CYFIP1: variants seen among roughly 807,000 people sequenced by gnomAD.
CYFIP1 encodes the protein cytoplasmic FMR1-interacting protein 1.
Under a neutral mutation model 163.5 loss-of-function variants are expected in CYFIP1, and 58 were observed. The observed-to-expected ratio is 0.35, with a 90% CI of 0.29 to 0.44. The LOEUF (loss-of-function observed/expected upper bound fraction) is 0.44, where lower values mean the gene tolerates loss of function less well. Among genes scored for constraint, CYFIP1 ranks in the 20% least tolerant of loss-of-function variants. The pLI, the probability that CYFIP1 is intolerant of heterozygous loss-of-function variation, is 1.00. For missense variants in CYFIP1, 1,338 were observed against 1,653.8 expected, an observed-to-expected ratio of 0.81 and a Z score of 3.31; for synonymous variants, 663 against 660.7, an observed-to-expected ratio of 1.00 and a Z score of -0.05.
intron 1 of CYFIP1, among the ~76,000 whole-genome samples, chr15:22,972,072 G>A (rs990220279): frequency 2.0e-5 from 3 of 152,150 alleles, no homozygotes; most frequent in Non-Finnish European, 4.4e-5. Context: ...AACCACAAAA[G>A]ACTTGGAATA....
At chr15:22,960,974 C>G (rs951354731) in intron 1 of CYFIP1, among the ~76,000 whole-genome samples, 2 of 152,030 alleles carry the variant, frequency 1.3e-5, no homozygotes, top group African/African-American at 4.8e-5. Flanking sequence ...ATAATTTAAT[C>G]TGAATGTTCT....
chr15:22,948,829 G>A (rs948140457), intron 1 of CYFIP1, among the ~76,000 whole-genome samples: 1 of 144,164 alleles, frequency 6.9e-6, no homozygotes, highest in Non-Finnish European at 1.5e-5. Context: ...AAAAACCTCA[G>A]GAAAGATTCA....
Position 22,917,017 on chromosome 15 carries a change from G to C in CYFIP1, c.1675-387C>G, listed in dbSNP as rs577046716. 5 of 1,547,000 alleles carry C rather than the reference G, an allele frequency of 3.2e-6. No individual in the cohort carries two copies. The African/African-American group carries it at 5.5e-5, about 17-fold the overall frequency. The stretch of plus-strand genomic sequence containing the variant: ...GAGCCCAAGGACTCGGCCATGGTGC[G>C]CACCAGGTAGAGCTAGACACGGACA... On this transcript the variant is annotated intron_variant, in intron 15 of 30. Coordinates refer to ENST00000617928, the MANE Select transcript of CYFIP1 (RefSeq NM_014608.6). This position sits in a 1 kb window ranked among gnomAD's most constrained non-coding sequence, Gnocchi z 4.2.
chr15:22,918,379 C>T (rs756424024), intron 14 of CYFIP1, among the ~76,000 whole-genome samples: 1 of 152,128 alleles, frequency 6.6e-6, no homozygotes, highest in Non-Finnish European at 1.5e-5. Context: ...TCATCACCAA[C>T]AGGGCTCCAC....
intron 10 of CYFIP1, among the ~76,000 whole-genome samples, chr15:22,933,187 C>T (rs1424545520): frequency 6.6e-6 from 1 of 152,040 alleles, no homozygotes; most frequent in African/African-American, 2.4e-5. Context: ...TCACCCAGCA[C>T]TGTCCAATAG....
At chr15:22,956,371 G>A (rs1473236212) in intron 1 of CYFIP1, among the ~76,000 whole-genome samples, 1 of 151,950 alleles carries the variant, frequency 6.6e-6, no homozygotes, top group Non-Finnish European at 1.5e-5. Flanking sequence ...AATGAAAAAA[G>A]ACACTACTAG....
intron 25 of CYFIP1, among the ~76,000 whole-genome samples, chr15:22,880,475 C>T (rs1160585501): frequency 6.6e-6 from 1 of 152,202 alleles, no homozygotes; most frequent in African/African-American, 2.4e-5. Context: ...ACAGCACGCC[C>T]AACGGGAGGC....
chr15:22,911,342 G>C (rs1026310026), intron 18 of CYFIP1, among the ~76,000 whole-genome samples: 1 of 152,138 alleles, frequency 6.6e-6, no homozygotes, highest in Non-Finnish European at 1.5e-5. Context: ...TGAAATGCAA[G>C]AGAGAATCAA....
chr15:22,977,122 C>T (rs1196276448), intron 1 of CYFIP1, among the ~76,000 whole-genome samples: 1 of 152,114 alleles, frequency 6.6e-6, no homozygotes, highest in Non-Finnish European at 1.5e-5. Flanking sequence ...TCGCTTGAAC[C>T]CGGGAGGCAG....
chr15:22,973,311 CAAAAAAAAA>C (rs397761069), intron 1 of CYFIP1, among the ~76,000 whole-genome samples: 2 of 71,782 alleles, frequency 2.8e-5, no homozygotes, highest in African/African-American at 9.6e-5. Context: ...GAGACCTTGT[CAAAAAAAAA>C]AAAAAAAAAA....
At chr15:22,963,305 A>G (rs935097406) in intron 1 of CYFIP1, among the ~76,000 whole-genome samples, 1 of 126,828 alleles carries the variant, frequency 7.9e-6, no homozygotes, top group African/African-American at 2.9e-5. Context: ...AGCCTGACCA[A>G]TATGGAGAAA....
At chr15:22,911,483 C>T (rs960343017) in intron 18 of CYFIP1, among the ~76,000 whole-genome samples, 3 of 152,172 alleles carry the variant, frequency 2.0e-5, no homozygotes, top group African/African-American at 4.8e-5. Flanking sequence ...TGGAGCAAAG[C>T]GGCTGTTCTG....
intron 1 of CYFIP1, among the ~76,000 whole-genome samples, chr15:22,957,982 C>T (rs941827192): frequency 1.3e-5 from 2 of 152,202 alleles, no homozygotes; most frequent in African/African-American, 4.8e-5. Flanking sequence ...GGTTAAACGG[C>T]CTGACCGCAC....
At chr15:22,949,154 A>G (rs11633285) in intron 1 of CYFIP1, among the ~76,000 whole-genome samples, 40,399 of 152,194 alleles carry the variant, frequency 0.27, 5,915 homozygotes, top group African/African-American at 0.39. Context: ...AAAGGAAAAC[A>G]GATCTTGAAA....
At chr15:22,933,049 G>C (rs917722751) in intron 10 of CYFIP1, among the ~76,000 whole-genome samples, 3 of 151,984 alleles carry the variant, frequency 2.0e-5, no homozygotes, top group Non-Finnish European at 4.4e-5. Context: ...GCCCAGGCTG[G>C]TCTCAAACTC....
Position 22,939,310 on chromosome 15 carries a change from T to C in CYFIP1, c.677A>G (p.Gln226Arg). Residue 226 changes from glutamine to arginine, a missense_variant, in exon 8 of 31, where the codon CAG (glutamine) becomes CGG (arginine). Physicochemically the swap from Gln to Arg is conservative, Grantham distance 43. Around this residue, in one of 4 missense-constraint regions of CYFIP1, gnomAD observed 824 missense variants for 995.7 expected, o/e 0.83. Transcript: ENST00000617928. ...NHNKITQSLQQQLEVISGYEE... is the reference protein window; with the variant it reads ...NHNKITQSLQRQLEVISGYEE... The stretch of plus-strand genomic sequence containing the variant: ...GTAGCCAGAAATCACTTCGAGCTGC[T>C]GCTGCAGAGACTGAAACACAGAGCA... The C allele has an allele frequency of 6.2e-7, 1 of 1,614,132 alleles. No individual in the cohort carries two copies. Among genetic ancestry groups the C allele is most frequent in the South Asian group, 1.1e-5 (1 of 91,088 alleles).
chr15:22,943,484 A>G (rs1348947031), intron 5 of CYFIP1, 130 bp from the exon 6 acceptor site: 1 of 1,012,954 alleles, frequency 9.9e-7, no homozygotes, highest in African/African-American at 1.6e-5. Flanking sequence ...TCCAGGCCGA[A>G]GTGTTTACAA....
chr15:22,917,508 C>T lies in CYFIP1; in HGVS notation c.1674+280G>A. On this transcript the variant is annotated intron_variant, in intron 15 of 30. Coordinates refer to ENST00000617928, the MANE Select transcript of CYFIP1 (RefSeq NM_014608.6). The surrounding 1 kb of genome is among the most constrained non-coding windows in gnomAD (Gnocchi z 4.2). Reference sequence around the variant, plus strand: ...TCAAGAAACACAGAATGAATACAGACACGTGGACTTGTGCCCACATTTTTG... The same window carrying T: ...TCAAGAAACACAGAATGAATACAGATACGTGGACTTGTGCCCACATTTTTG... The T allele has an allele frequency of 3.6e-6, 2 of 553,736 alleles. No homozygotes were observed. The highest frequency in any genetic ancestry group is 6.1e-6 in the Non-Finnish European group (2 of 328,512). 34.3% of individuals were successfully genotyped at this position (553,736 alleles called of 1,614,324 possible).
rs746899423 is a variant in CYFIP1 at position 22,880,084 on chromosome 15, G to A, written c.2912-41C>T. 1.4e-5 allele frequency: 22 copies of A among 1,611,126 alleles called. No homozygotes were observed. The South Asian group carries it at 2.3e-4, about 17-fold the overall frequency. On this transcript the variant is annotated intron_variant, in intron 25 of 30. Transcript: ENST00000617928. Reference sequence around the variant, plus strand: ...TGAGGTGGGGTTGGGGGACTGGAGGGGGCCGGGCCCTAGCAGCCTGGGTCC... The same window carrying A: ...TGAGGTGGGGTTGGGGGACTGGAGGAGGCCGGGCCCTAGCAGCCTGGGTCC...
Sources: allele counts gnomAD v4.1 joint callset (sites outside exome capture counted in the v4.1 genomes callset), GRCh38; gene constraint gnomAD v4.1.1; regional missense constraint gnomAD v4.1.1; non-coding constraint Gnocchi (gnomAD v3.1); transcripts MANE v1.5; gene names NCBI Gene and HGNC (gene_info 2026-07-23, HGNC 2026-07-21).